ARNT2: variants seen among roughly 807,000 people sequenced by gnomAD.
ARNT2 encodes ARNT protein 2.
A neutral mutation model predicts 91.7 loss-of-function variants in ARNT2; 36 were observed. That is an observed-to-expected ratio of 0.39 (90% CI 0.30 to 0.52). ARNT2 has a LOEUF of 0.52. Ranked by LOEUF, ARNT2 falls within the 20% of genes least tolerant of loss-of-function variation. ARNT2 has a pLI of 0.72. For missense variants in ARNT2, 775 were observed against 939.3 expected (o/e 0.83, Z 2.29); for synonymous variants, 365 against 347.1 (o/e 1.05, Z -0.57).
chr15:80,542,587 C>T (rs1169673581), intron 8 of ARNT2, among the ~76,000 whole-genome samples: 2 of 152,134 alleles, frequency 1.3e-5, no homozygotes, highest in Non-Finnish European at 2.9e-5. Flanking sequence ...AGGAATCTAA[C>T]TTCAACCCTT....
At chr15:80,512,541 T>C (rs1436245891) in intron 6 of ARNT2, among the ~76,000 whole-genome samples, 4 of 152,236 alleles carry the variant, frequency 2.6e-5, no homozygotes, top group Non-Finnish European at 5.9e-5. Context: ...CCACTTGCAT[T>C]GCTGTGCATC....
At chr15:80,582,328 CAAAAAAA>C (rs537139420) in intron 17 of ARNT2, among the ~76,000 whole-genome samples, 1 of 66,804 alleles carries the variant, frequency 1.5e-5, no homozygotes, top group African/African-American at 5.7e-5. Flanking sequence ...CCTGTCTCTA[CAAAAAAA>C]AAAAAAAAAA....
At chr15:80,483,760 C>T (rs1013178860) in intron 5 of ARNT2, among the ~76,000 whole-genome samples, 1 of 152,220 alleles carries the variant, frequency 6.6e-6, no homozygotes, top group African/African-American at 2.4e-5. Flanking sequence ...CTGCAAGAGT[C>T]AGCGTGCACC....
At chr15:80,470,537 A>C (rs569869864) in intron 4 of ARNT2, 106 bp downstream of exon 4, 58 of 1,250,984 alleles carry the variant, frequency 4.6e-5, no homozygotes, top group Non-Finnish European at 5.9e-5. Context: ...GGAAGGAATG[A>C]AGCCAACATG....
rs183783572 is a variant in ARNT2, at chr15:80,565,966, C to T, written c.1316+2727C>T. ...CAAGTCACCTACTCTTTCTAAGCCT[C>T]GGTTGCTTCATCTGTAAAATGGGGA... is the stretch of plus-strand genomic sequence containing the variant. On this transcript the variant is annotated intron_variant, in intron 12 of 18. Transcript: ENST00000303329. 2.4e-4 allele frequency among the ~76,000 whole-genome samples: 36 copies of T among 152,270 alleles called. 1 individual carries two copies. Among genetic ancestry groups the T allele is most frequent in the Admixed American group, 1.6e-3 (24 of 15,280 alleles).
chr15:80,410,951 T>C (rs973216674), intron 1 of ARNT2, among the ~76,000 whole-genome samples: 5 of 152,162 alleles, frequency 3.3e-5, no homozygotes, highest in African/African-American at 1.2e-4. Flanking sequence ...AAGTTATTTC[T>C]CAGTTTTAGC....
chr15:80,482,627 G>A (rs1896907612), intron 5 of ARNT2, among the ~76,000 whole-genome samples: 1 of 152,218 alleles, frequency 6.6e-6, no homozygotes, highest in African/African-American at 2.4e-5. Flanking sequence ...CCAGGAGCCA[G>A]AACAGCGTTT....
chr15:80,537,661 A>T (rs1897847652), intron 8 of ARNT2, among the ~76,000 whole-genome samples: 1 of 152,172 alleles, frequency 6.6e-6, no homozygotes, highest in African/African-American at 2.4e-5. Context: ...TGGTAGAGAA[A>T]AGGGCAAGAA....
At chr15:80,438,824 G>A (rs2141575950) in intron 1 of ARNT2, among the ~76,000 whole-genome samples, 1 of 152,282 alleles carries the variant, frequency 6.6e-6, no homozygotes, top group East Asian at 1.9e-4. Context: ...CAAGTAGCTA[G>A]GATTATAGGC....
At chr15:80,481,060 C>T (rs1194583411) in intron 5 of ARNT2, among the ~76,000 whole-genome samples, 1 of 152,136 alleles carries the variant, frequency 6.6e-6, no homozygotes, top group Non-Finnish European at 1.5e-5. Context: ...TGTAGAGAGC[C>T]TGAGCCAGGT....
intron 3 of ARNT2, among the ~76,000 whole-genome samples, chr15:80,462,375 C>T (rs781379005): frequency 2.6e-5 from 4 of 152,180 alleles, no homozygotes; most frequent in African/African-American, 4.8e-5. Flanking sequence ...GTGTGCCTTA[C>T]GTATGTGAAT....
intron 8 of ARNT2, among the ~76,000 whole-genome samples, chr15:80,535,653 T>C (rs1442386050): frequency 6.6e-6 from 1 of 152,250 alleles, no homozygotes; most frequent in African/African-American, 2.4e-5. Context: ...GTCTGATTAC[T>C]GTATGTGCTA....
At chr15:80,425,725 T>G (rs1019810273) in intron 1 of ARNT2, among the ~76,000 whole-genome samples, 21 of 152,126 alleles carry the variant, frequency 1.4e-4, no homozygotes, top group African/African-American at 2.7e-4. Flanking sequence ...GTGTTTTTTT[T>G]TTGTTGTTTG....
intron 5 of ARNT2, among the ~76,000 whole-genome samples, chr15:80,480,560 C>T (rs540463975): frequency 6.6e-6 from 1 of 152,300 alleles, no homozygotes; most frequent in Admixed American, 6.5e-5. Context: ...ACGGACTCTT[C>T]AAGACAAGGT....
At chr15:80,426,455 C>T (rs1232239582) in intron 1 of ARNT2, among the ~76,000 whole-genome samples, 2 of 152,184 alleles carry the variant, frequency 1.3e-5, no homozygotes, top group African/African-American at 4.8e-5. Flanking sequence ...GCAGCCATCA[C>T]AGCGGCCCCA....
intron 12 of ARNT2, among the ~76,000 whole-genome samples, chr15:80,569,245 ACTC>A (rs1898542052): frequency 6.6e-6 from 1 of 151,566 alleles, no homozygotes; most frequent in South Asian, 2.1e-4. Flanking sequence ...ATCTGCCCGG[ACTC>A]CTGCACCTCG....
intron 1 of ARNT2, among the ~76,000 whole-genome samples, chr15:80,412,544 C>A (rs145155972): frequency 5.5e-4 from 84 of 152,076 alleles, no homozygotes; most frequent in African/African-American, 2.0e-3. Context: ...TTATTTCGAG[C>A]ATATTGCTTT....
intron 5 of ARNT2, among the ~76,000 whole-genome samples, chr15:80,490,647 C>T (rs1897042716): frequency 6.6e-6 from 1 of 152,274 alleles, no homozygotes; most frequent in African/African-American, 2.4e-5. Flanking sequence ...GGGCTGCCCA[C>T]AGCCTGGCCC....
rs566531871 is a variant in ARNT2, at chr15:80,421,749, C to T, written c.31+17203C>T. Among the ~76,000 whole-genome samples, 9 of 152,240 alleles carry T rather than the reference C, an allele frequency of 5.9e-5. No individual in the cohort carries two copies. In the South Asian group the frequency reaches 1.7e-3, roughly 28 times the overall value. ...GTGCACCTTTTTCCTAGGGTATTTA[C>T]GACACCTTGGGCCTTATGCAGCTCA... On this transcript the variant is annotated intron_variant, in intron 1 of 18. Transcript: ENST00000303329.
Sources: allele counts gnomAD v4.1 joint callset (sites outside exome capture counted in the v4.1 genomes callset), GRCh38; gene constraint gnomAD v4.1.1; transcripts MANE v1.5; gene names NCBI Gene and HGNC (gene_info 2026-07-23, HGNC 2026-07-21).